SND1: variants seen among roughly 807,000 people sequenced by gnomAD.
SND1 encodes staphylococcal nuclease domain-containing protein 1.
In SND1, 38 loss-of-function variants were observed where a neutral mutation model predicts 121.7. That is an observed-to-expected ratio of 0.31 (90% CI 0.24 to 0.41). The LOEUF (loss-of-function observed/expected upper bound fraction) is 0.41, where lower values mean the gene tolerates loss of function less well. Among genes scored for constraint, SND1 ranks in the 10% least tolerant of loss-of-function variants. SND1 has a pLI of 1.00. For synonymous variants in SND1, 401 were observed against 447.4 expected (o/e 0.90, Z 1.31); for missense variants, 868 against 1,184.6 (o/e 0.73, Z 3.92).
At chr7:127,842,457 C>A in intron 11 of SND1, among the ~76,000 whole-genome samples, 1 of 152,168 alleles carries the variant, frequency 6.6e-6, no homozygotes, top group Non-Finnish European at 1.5e-5. Flanking sequence ...TAGGGTTAAA[C>A]CATTTTTGCA....
At chr7:127,983,586 T>G (rs1003756825) in intron 15 of SND1, among the ~76,000 whole-genome samples, 28 of 152,178 alleles carry the variant, frequency 1.8e-4, no homozygotes, top group Admixed American at 8.5e-4. Context: ...AACCCTGTTT[T>G]GTTGTGAAAG....
intron 16 of SND1, among the ~76,000 whole-genome samples, chr7:128,033,312 G>A (rs1399927567): frequency 1.3e-5 from 2 of 152,152 alleles, no homozygotes; most frequent in Non-Finnish European, 2.9e-5. Flanking sequence ...GCCGACTGTG[G>A]GTGAGGCAAT....
At chr7:127,960,958 A>C (rs1005288555) in intron 15 of SND1, among the ~76,000 whole-genome samples, 9 of 152,200 alleles carry the variant, frequency 5.9e-5, no homozygotes, top group African/African-American at 2.2e-4. Context: ...TTTAGTACCA[A>C]ATGTGTCCAT....
In SND1 at chr7:127,685,354, TAAAC is replaced by T. The variant is rs372899452; in HGVS notation, c.79-1257_79-1254del. 4.3e-4 allele frequency among the ~76,000 whole-genome samples: 65 copies of T among 152,308 alleles called. No individual in the cohort carries two copies. In the East Asian group the frequency reaches 8.1e-3, roughly 19 times the overall value. On this transcript the variant is annotated intron_variant, in intron 1 of 23. Coordinates refer to ENST00000354725, the MANE Select transcript of SND1 (RefSeq NM_014390.4). Reference sequence around the variant, plus strand: ...TTACTGAGAACTCCATGGTCTTGTCTAAACAGTGTTCTGTGTTGACAGAACCCTC... The same window carrying T: ...TTACTGAGAACTCCATGGTCTTGTCTAGTGTTCTGTGTTGACAGAACCCTC...
intron 15 of SND1, among the ~76,000 whole-genome samples, chr7:127,929,955 C>T (rs1213327321): frequency 6.6e-6 from 1 of 152,222 alleles, no homozygotes; most frequent in East Asian, 1.9e-4. Flanking sequence ...CTTAATATTT[C>T]ACAAGCCAGA....
rs751638915 is a variant in SND1, at chr7:127,844,371, G to T, written c.1290G>T (p.Glu430Asp). The change falls in exon 12 of 24, where the codon GAG becomes GAT. Residue 430 changes from glutamate to aspartate, a missense_variant. By Grantham distance (45) the Glu-to-Asp change is conservative (BLOSUM62 2). Coordinates refer to ENST00000354725, the MANE Select transcript of SND1 (RefSeq NM_014390.4). ...TTAGACCAGCCAGCCCAGCCACAGAGACAGTGCCTGCCTTTTCAGAGCGTA... is the reference window on the plus strand; with the variant it reads ...TTAGACCAGCCAGCCCAGCCACAGATACAGTGCCTGCCTTTTCAGAGCGTA... The part of the protein sequence containing the change: ...DYIRPASPAT[E>D]TVPAFSERTC... 31 of 1,613,564 alleles carry T rather than the reference G, an allele frequency of 1.9e-5. No homozygotes were observed. Among genetic ancestry groups the T allele is most frequent in the Non-Finnish European group, 2.4e-5 (28 of 1,179,776 alleles).
intron 10 of SND1, among the ~76,000 whole-genome samples, chr7:127,781,081 C>G (rs898215920): frequency 2.6e-5 from 4 of 152,072 alleles, no homozygotes; most frequent in African/African-American, 7.2e-5. Flanking sequence ...TATTTCTGCT[C>G]AATGTGAAGA....
At chr7:127,969,330 C>T (rs564461895) in intron 15 of SND1, among the ~76,000 whole-genome samples, 6 of 152,158 alleles carry the variant, frequency 3.9e-5, no homozygotes, top group East Asian at 1.9e-4. Context: ...AGTGCAGTAA[C>T]GTGCTGTATG....
At chr7:127,955,634 C>T (rs1197648004) in intron 15 of SND1, among the ~76,000 whole-genome samples, 1 of 152,080 alleles carries the variant, frequency 6.6e-6, no homozygotes, top group African/African-American at 2.4e-5. Flanking sequence ...TTCAACCTGC[C>T]CCCCAGTCCC....
chr7:127,898,800 G>T (rs144270107), intron 13 of SND1, among the ~76,000 whole-genome samples: 40 of 152,052 alleles, frequency 2.6e-4, no homozygotes, highest in Admixed American at 2.5e-3. Context: ...TTAGATTCTT[G>T]CCCATCTCTT....
chr7:127,881,429 T>C lies in SND1; in HGVS notation c.1344-6473T>C, dbSNP rs539819163. 8.6e-4 allele frequency among the ~76,000 whole-genome samples: 131 copies of C among 152,276 alleles called. 2 individuals are homozygous for C. Among genetic ancestry groups the C allele is most frequent in the African/African-American group, 3.1e-3 (128 of 41,564 alleles). ...GGGAGTTTACCCTCAGCCCCTATAA[T>C]ATTTTTATTCATTTAACCCAGGTTC... On this transcript the variant is annotated intron_variant, in intron 12 of 23. Transcript: ENST00000354725.
chr7:127,660,910 C>G (rs1018420687), intron 1 of SND1, among the ~76,000 whole-genome samples: 13 of 152,046 alleles, frequency 8.6e-5, no homozygotes, highest in African/African-American at 3.1e-4. Flanking sequence ...ATTAGAAGCT[C>G]TGGGACTGGC....
Position 127,785,715 on chromosome 7 carries a change from G to A in SND1, c.1153-21769G>A, listed in dbSNP as rs1797800824. 2.6e-5 allele frequency among the ~76,000 whole-genome samples: 4 copies of A among 152,204 alleles called. No homozygotes were observed. In the South Asian group the frequency reaches 8.3e-4, roughly 32 times the overall value. On this transcript the variant is annotated intron_variant, in intron 10 of 23. Transcript: ENST00000354725. ...ATAGTTATTCATTGTATACTCAGTA[G>A]ATATGAAATATCAATTTTACAGGCT...
At chr7:127,996,429 TCACCC>T (rs372730238) in intron 16 of SND1, among the ~76,000 whole-genome samples, 180 of 152,310 alleles carry the variant, frequency 1.2e-3, no homozygotes, top group African/African-American at 4.1e-3. Flanking sequence ...TTTCCCTACA[TCACCC>T]CACAAGCGCT....
At chr7:127,964,440 A>G (rs1396004750) in intron 15 of SND1, among the ~76,000 whole-genome samples, 1 of 149,062 alleles carries the variant, frequency 6.7e-6, no homozygotes, top group East Asian at 2.0e-4. Context: ...TATAAGGTGT[A>G]AGGAAGGGAT....
intron 16 of SND1, among the ~76,000 whole-genome samples, chr7:128,025,064 C>A (rs781310043): frequency 6.6e-6 from 1 of 152,214 alleles, no homozygotes; most frequent in Non-Finnish European, 1.5e-5. Flanking sequence ...CAGTTTCTGT[C>A]TGCCATTGGG....
chr7:127,793,961 T>C (rs1797963190), intron 10 of SND1, among the ~76,000 whole-genome samples: 1 of 152,192 alleles, frequency 6.6e-6, no homozygotes, highest in South Asian at 2.1e-4. Context: ...TATATATATA[T>C]AATGAAATTG....
chr7:127,874,284 AT>A (rs1563043540), intron 12 of SND1, among the ~76,000 whole-genome samples: 1 of 152,206 alleles, frequency 6.6e-6, no homozygotes. Context: ...ACAGTGTGAT[AT>A]GTTAAAAGGG....
intron 3 of SND1, among the ~76,000 whole-genome samples, chr7:127,697,467 C>T (rs1433272230): frequency 1.3e-5 from 2 of 152,188 alleles, no homozygotes; most frequent in Non-Finnish European, 2.9e-5. Flanking sequence ...ACCTGGGCTT[C>T]GTTCTTTCCA....
Sources: gnomAD v4.1 joint callset for allele counts (sites outside exome capture counted in the v4.1 genomes callset) on GRCh38, gnomAD v4.1.1 for gene constraint, MANE v1.5 for transcripts, NCBI Gene and HGNC (gene_info 2026-07-23, HGNC 2026-07-21) for gene names.